Variants in ADGRB3 observed in about 807,000 individuals in gnomAD.
The protein encoded by ADGRB3 is brain-specific angiogenesis inhibitor 3.
A neutral mutation model predicts 193.4 loss-of-function variants in ADGRB3; 37 were observed. The ratio of observed to expected loss-of-function variants is 0.19; its 90% CI spans 0.15 to 0.25. The LOEUF (loss-of-function observed/expected upper bound fraction) is 0.25. ADGRB3 is among the 10% of genes least tolerant of loss of function. The pLI is 1.00. For missense variants in ADGRB3, 1,637 were observed against 1,852.9 expected, an observed-to-expected ratio of 0.88 and a Z score of 2.14; for synonymous variants, 690 against 644.2, an observed-to-expected ratio of 1.07 and a Z score of -1.08.
At chr6:68,743,727 CCAA>C (rs1053397136) in intron 3 of ADGRB3, among the ~76,000 whole-genome samples, 5 of 151,954 alleles carry the variant, frequency 3.3e-5, no homozygotes, top group African/African-American at 1.2e-4. Flanking sequence ...TAATTTTACA[CCAA>C]CAAGTAAATT....
chr6:68,696,648 T>C (rs1765164708), intron 3 of ADGRB3, among the ~76,000 whole-genome samples: 1 of 151,896 alleles, frequency 6.6e-6, no homozygotes, highest in African/African-American at 2.4e-5. Flanking sequence ...TTTATATAAT[T>C]TTTTCTAATG....
intron 31 of ADGRB3, among the ~76,000 whole-genome samples, chr6:69,384,896 T>C (rs1045298284): frequency 5.9e-5 from 9 of 151,964 alleles, no homozygotes; most frequent in African/African-American, 2.2e-4. Context: ...TAATGAAAAA[T>C]TGCATAATTG....
At chr6:69,308,957 T>A (rs1324216725) in intron 20 of ADGRB3, among the ~76,000 whole-genome samples, 7 of 151,728 alleles carry the variant, frequency 4.6e-5, no homozygotes, top group Non-Finnish European at 1.0e-4. Context: ...AAATCCATTC[T>A]TTATTCTGGT....
chr6:68,677,521 CTTTTTTT>C (rs1002070733), intron 3 of ADGRB3, among the ~76,000 whole-genome samples: 15 of 120,318 alleles, frequency 1.2e-4, no homozygotes, highest in East Asian at 7.2e-4. Flanking sequence ...TTCTTTTTTT[CTTTTTTT>C]TTTTTTTTTT....
At chr6:68,645,414 C>T (rs535803660) in intron 3 of ADGRB3, among the ~76,000 whole-genome samples, 25 of 152,154 alleles carry the variant, frequency 1.6e-4, no homozygotes, top group Middle Eastern at 3.4e-3. Flanking sequence ...AATTTCTTCC[C>T]GATTCAATTA....
chr6:68,895,958 G>C (rs1417596112), intron 3 of ADGRB3, among the ~76,000 whole-genome samples: 1 of 151,826 alleles, frequency 6.6e-6, no homozygotes, highest in Non-Finnish European at 1.5e-5. Flanking sequence ...GAGAGGCAAA[G>C]CAAAAAACAG....
At chr6:69,004,502 G>A (rs1184384717) in intron 11 of ADGRB3, among the ~76,000 whole-genome samples, 1 of 151,278 alleles carries the variant, frequency 6.6e-6, no homozygotes, top group Non-Finnish European at 1.5e-5. Flanking sequence ...CCATGTTGGT[G>A]TGCTGCACCC....
At chr6:69,386,074 A>T (rs1582671686) in intron 31 of ADGRB3, among the ~76,000 whole-genome samples, 1 of 152,100 alleles carries the variant, frequency 6.6e-6, no homozygotes, top group Admixed American at 6.6e-5. Context: ...GTGGCTTGGG[A>T]TGCTAAAGAT....
At chr6:69,024,824 G>A (rs1019272085) in intron 13 of ADGRB3, among the ~76,000 whole-genome samples, 7 of 152,164 alleles carry the variant, frequency 4.6e-5, no homozygotes, top group African/African-American at 1.7e-4. Context: ...CGGGCACGGT[G>A]GCTCACGCCT....
Position 69,100,691 on chromosome 6 carries a change from A to T in ADGRB3, c.2480+24653A>T, listed in dbSNP as rs1000053050. Among the ~76,000 whole-genome samples the T allele has an allele frequency of 2.0e-5, 3 of 151,912 alleles. No individual in the cohort carries two copies. In the East Asian group the frequency reaches 5.9e-4, roughly 30 times the overall value. On this transcript the variant is annotated intron_variant, in intron 17 of 31. Coordinates refer to ENST00000370598, the MANE Select transcript of ADGRB3 (RefSeq NM_001704.3). ...GAAGTTTTTCAAAAGACAACTTAAA[A>T]ATATGTATAATAATTCCAGAAAGGT...
intron 3 of ADGRB3, among the ~76,000 whole-genome samples, chr6:68,927,383 C>T (rs1767210531): frequency 6.6e-6 from 1 of 152,046 alleles, no homozygotes; most frequent in Non-Finnish European, 1.5e-5. Flanking sequence ...AAAAGTTTAC[C>T]TCAACCCACA....
At chr6:68,770,144 A>C (rs1015004994) in intron 3 of ADGRB3, among the ~76,000 whole-genome samples, 3 of 152,066 alleles carry the variant, frequency 2.0e-5, no homozygotes, top group Non-Finnish European at 4.4e-5. Context: ...CTGATACTCC[A>C]TTCTCAGTTT....
intron 3 of ADGRB3, among the ~76,000 whole-genome samples, chr6:68,900,293 G>A (rs1051385972): frequency 4.6e-5 from 7 of 152,108 alleles, no homozygotes; most frequent in African/African-American, 1.7e-4. Context: ...CTGAGAATGT[G>A]CTTACATACA....
At chr6:68,833,299 T>A (rs1279701713) in intron 3 of ADGRB3, among the ~76,000 whole-genome samples, 1 of 151,788 alleles carries the variant, frequency 6.6e-6, no homozygotes, top group Non-Finnish European at 1.5e-5. Context: ...TCTTAATGTA[T>A]TATATATAAA....
intron 3 of ADGRB3, among the ~76,000 whole-genome samples, chr6:68,904,248 T>C (rs1582301712): frequency 6.6e-6 from 1 of 152,278 alleles, no homozygotes; most frequent in Non-Finnish European, 1.5e-5. Flanking sequence ...GGCAAGTATT[T>C]GTGTATCTAA....
At chr6:69,356,029 G>A (rs1769330969) in intron 28 of ADGRB3, among the ~76,000 whole-genome samples, 169 bp downstream of exon 28, 1 of 152,098 alleles carries the variant, frequency 6.6e-6, no homozygotes, top group African/African-American at 2.4e-5. Context: ...ACCAAAGAAC[G>A]AGGCAGAAAA....
chr6:68,675,150 G>A (rs1769059327), intron 3 of ADGRB3, among the ~76,000 whole-genome samples: 1 of 152,104 alleles, frequency 6.6e-6, no homozygotes, highest in South Asian at 2.1e-4. Context: ...ATTTTCTTCT[G>A]AACTCATGGT....
At chr6:69,216,006 G>A (rs1417858584) in intron 17 of ADGRB3, among the ~76,000 whole-genome samples, 1 of 152,034 alleles carries the variant, frequency 6.6e-6, no homozygotes, top group African/African-American at 2.4e-5. Flanking sequence ...TCTTCCATTG[G>A]GATAGGAGAT....
intron 3 of ADGRB3, among the ~76,000 whole-genome samples, chr6:68,678,810 G>T (rs1561992170): frequency 6.6e-6 from 1 of 151,982 alleles, no homozygotes; most frequent in Non-Finnish European, 1.5e-5. Flanking sequence ...TTGATTCCAG[G>T]ATTCAGTGAA....
Sources: gnomAD v4.1 joint callset for allele counts (sites outside exome capture counted in the v4.1 genomes callset) on GRCh38, gnomAD v4.1.1 for gene constraint, MANE v1.5 for transcripts, NCBI Gene and HGNC (gene_info 2026-07-23, HGNC 2026-07-21) for gene names.